The following FAM149A variants were observed in gnomAD, a reference collection of about 807,000 sequenced individuals.
The protein encoded by FAM149A is protein FAM149A.
In FAM149A, 71 loss-of-function variants were observed where a neutral mutation model predicts 78.2. The observed-to-expected ratio is 0.91, with a 90% CI of 0.75 to 1.11. FAM149A has a LOEUF of 1.11. Ranked by LOEUF, FAM149A falls within the 50% of genes least tolerant of loss-of-function variation. The probability of loss-of-function intolerance (pLI) is 0.00; values close to 1 mark genes in which losing one functional copy is unlikely to be tolerated. For synonymous variants in FAM149A, 446 were observed against 410.5 expected, an observed-to-expected ratio of 1.09 and a Z score of -1.04; for missense variants, 1,036 against 971.0, an observed-to-expected ratio of 1.07 and a Z score of -0.89.
chr4:186,109,081 T>C, intron 1 of FAM149A: 1 of 427,658 alleles, frequency 2.3e-6, no homozygotes, highest in Non-Finnish European at 3.1e-6. Flanking sequence ...TCTCCTGACC[T>C]TGTAATTTGC....
At chr4:186,123,188 A>T in intron 1 of FAM149A, 1 of 983,506 alleles carries the variant, frequency 1.0e-6, no homozygotes, top group Non-Finnish European at 1.2e-6. Context: ...TGAAAAGGAA[A>T]TGTCACATTA....
At chr4:186,127,987 CTTTTTTTT>C (rs61637634) in intron 1 of FAM149A, among the ~76,000 whole-genome samples, 8 of 62,400 alleles carry the variant, frequency 1.3e-4, no homozygotes, top group Admixed American at 7.8e-4. Flanking sequence ...CATGCCCGGC[CTTTTTTTT>C]TTTTTTTTTT....
In FAM149A at chr4:186,153,702, C is replaced by A; in HGVS notation, c.990C>A (p.Gly330=). 6.2e-7 allele frequency: 1 copy of A among 1,614,096 alleles called. No individual in the cohort carries two copies. The highest frequency in any genetic ancestry group is 8.5e-7 in the Non-Finnish European group (1 of 1,179,936). The change falls in exon 5 of 14, where the codon GGC becomes GGA. Residue 330 remains glycine, a synonymous_variant. Transcript: ENST00000389354. Reference sequence around the variant, plus strand: ...ACAAAGGCGTCCAGCATTTCCAGGGCAGCACTCCTGCCTCCGCAGTCCACA... The same window carrying A: ...ACAAAGGCGTCCAGCATTTCCAGGGAAGCACTCCTGCCTCCGCAGTCCACA...
In FAM149A at chr4:186,144,886, C is replaced by T. The variant is rs1401698104; in HGVS notation, c.567-4287C>T. ...AGGGGCGTGCGAGCCCCGCGGACCC[C>T]GGGCGCGCCCGGGCCGCCTGAGCTG... On this transcript the variant is annotated intron_variant, in intron 1 of 13. Coordinates refer to ENST00000389354, the MANE Select transcript of FAM149A (RefSeq NM_001367768.3). The surrounding 1 kb of genome is among the most constrained non-coding windows in gnomAD (Gnocchi z 4.2). The T allele has an allele frequency of 6.2e-6, 6 of 970,606 alleles. No individual in the cohort carries two copies. Among genetic ancestry groups the T allele is most frequent in the South Asian group, 4.6e-5 (1 of 21,592 alleles). The allele number at this position is 970,606 out of a possible 1,614,324, so 60.1% of individuals were successfully genotyped here.
intron 8 of FAM149A, chr4:186,160,851 T>C: frequency 1.0e-6 from 1 of 985,372 alleles, no homozygotes; most frequent in Non-Finnish European, 1.2e-6. Context: ...GAAACTTGCG[T>C]ATATAGACTA....
chr4:186,117,559 C>T (rs1458675218), intron 1 of FAM149A: 3 of 985,384 alleles, frequency 3.0e-6, no homozygotes, highest in Non-Finnish European at 3.6e-6. Context: ...CTTGGGAGGG[C>T]ACTGTCGGAG....
rs1579837425 is a variant in FAM149A, at chr4:186,136,953, TCTCTCTCTCTTTCTCTCTCTCTTTCTC to T, written c.567-12219_567-12193del. Among the ~76,000 whole-genome samples the T allele has an allele frequency of 8.1e-5, 9 of 111,208 alleles. No homozygotes were observed. In the East Asian group the frequency reaches 2.0e-3, roughly 25 times the overall value. The allele number at this position is 111,208 out of a possible 152,430, so 73.0% of individuals were successfully genotyped here. ...ACTGATTGATCTCTCTCTCTCTCTC[TCTCTCTCTCTTTCTCTCTCTCTTTCTC>T]TCTCTCTCTCTCTCTCTCTCTCTCT... On this transcript the variant is annotated intron_variant, in intron 1 of 13. Transcript: ENST00000389354.
chr4:186,163,023 G>C, intron 9 of FAM149A, 75 bp downstream of exon 9: 1 of 866,038 alleles, frequency 1.2e-6, no homozygotes, highest in Non-Finnish European at 1.9e-6. Flanking sequence ...AAGACTGCAG[G>C]GGACATGAGA....
At chr4:186,156,690 G>T (rs1043425761) in intron 7 of FAM149A, among the ~76,000 whole-genome samples, 1 of 151,768 alleles carries the variant, frequency 6.6e-6, no homozygotes, top group African/African-American at 2.4e-5. Flanking sequence ...CAAAAAAAAA[G>T]AATGCAGGGC....
intron 1 of FAM149A, among the ~76,000 whole-genome samples, chr4:186,145,311 T>C (rs1476864237): frequency 2.6e-5 from 4 of 152,160 alleles, no homozygotes; most frequent in Non-Finnish European, 5.9e-5. Flanking sequence ...CGGTCGCTCC[T>C]GGGACTTGCT....
At chr4:186,168,427 C>T (rs2126550467) in intron 13 of FAM149A, among the ~76,000 whole-genome samples, 1 of 152,354 alleles carries the variant, frequency 6.6e-6, no homozygotes, top group East Asian at 1.9e-4. Context: ...GCAATCTCAG[C>T]TCACCGCAAC....
intron 1 of FAM149A, chr4:186,117,748 T>C: frequency 1.1e-6 from 1 of 875,398 alleles, no homozygotes. Context: ...AGGAGCAGGC[T>C]GCACTTTAGG....
rs971094353 is a variant in FAM149A, at chr4:186,105,017, C to G, written c.-60C>G. On this transcript the variant is annotated 5_prime_UTR_variant, in exon 1 of 14. Coordinates refer to ENST00000389354, the MANE Select transcript of FAM149A (RefSeq NM_001367768.3). The stretch of plus-strand genomic sequence containing the variant: ...TCGCCCCGGCCCGGGCCGCCTCGGC[C>G]GGATCTCCGCGGTCTGAACTCTCGG... 1 of 1,250,318 alleles carries G rather than the reference C, an allele frequency of 8.0e-7. No homozygotes were observed. The highest frequency in any genetic ancestry group is 1.3e-5 in the South Asian group (1 of 77,384). 77.5% of individuals were successfully genotyped at this position (1,250,318 alleles called of 1,614,324 possible).
chr4:186,151,151 G>A (rs775865941), intron 3 of FAM149A: 6 of 705,092 alleles, frequency 8.5e-6, no homozygotes, highest in South Asian at 1.3e-4. Flanking sequence ...AGCACTGCTA[G>A]GAGGACCTTT....
intron 1 of FAM149A, among the ~76,000 whole-genome samples, chr4:186,137,266 A>G (rs1271346444): frequency 6.8e-6 from 1 of 147,582 alleles, no homozygotes; most frequent in Non-Finnish European, 1.5e-5. Context: ...TTTTTTTTCT[A>G]TATAAAAGAG....
At chr4:186,108,925 G>T (rs2099309984) in intron 1 of FAM149A, 1 of 149,776 alleles carries the variant, frequency 6.7e-6, no homozygotes, top group East Asian at 2.0e-4. Flanking sequence ...TCGGCTCACT[G>T]CAAGCTCCGC....
Position 186,164,487 on chromosome 4 carries a change from T to G in FAM149A, c.1889+854T>G. Reference sequence around the variant, plus strand: ...AACGCTTACCTGGCACCCAGACTTTTTCCAGATGCAGTCATAACCCCCCTT... The same window carrying G: ...AACGCTTACCTGGCACCCAGACTTTGTCCAGATGCAGTCATAACCCCCCTT... On this transcript the variant is annotated intron_variant, in intron 10 of 13. Transcript: ENST00000389354. This position sits in a 1 kb window ranked among gnomAD's most constrained non-coding sequence, Gnocchi z 4.0. The G allele has an allele frequency of 2.0e-6, 2 of 985,404 alleles. No individual in the cohort carries two copies. Among genetic ancestry groups the G allele is most frequent in the South Asian group, 9.4e-5 (2 of 21,290 alleles). The allele number at this position is 985,404 out of a possible 1,614,324, so 61.0% of individuals were successfully genotyped here. A position where few individuals can be genotyped will look rare whatever the true frequency, so the allele number is the denominator to read the frequency against.
At position 186,157,210 on chromosome 4, in the gene FAM149A, A is replaced by G. The variant is rs571753784; in HGVS notation, c.1421-355A>G. Among the ~76,000 whole-genome samples, 10 of 152,386 alleles carry G rather than the reference A, an allele frequency of 6.6e-5. No individual in the cohort carries two copies. In the South Asian group the frequency reaches 1.4e-3, roughly 22 times the overall value. On this transcript the variant is annotated intron_variant, in intron 7 of 13. Transcript: ENST00000389354. ...CATTGAACAAAAACAAATCATAAAAATGTCAGTGATGGACATTAATGACCA... is the reference window on the plus strand; with the variant it reads ...CATTGAACAAAAACAAATCATAAAAGTGTCAGTGATGGACATTAATGACCA...
At chr4:186,166,446 C>G (rs535302167) in intron 11 of FAM149A, among the ~76,000 whole-genome samples, 1 of 152,050 alleles carries the variant, frequency 6.6e-6, no homozygotes, top group Non-Finnish European at 1.5e-5. Flanking sequence ...GGCAAGAGTT[C>G]GAGACCAGCC....
Sources: gnomAD v4.1 joint callset for allele counts (sites outside exome capture counted in the v4.1 genomes callset) on GRCh38, gnomAD v4.1.1 for gene constraint, Gnocchi (gnomAD v3.1) non-coding constraint, MANE v1.5 for transcripts, NCBI Gene and HGNC (gene_info 2026-07-23, HGNC 2026-07-21) for gene names.